Variants in NLRP14 observed in about 807,000 individuals in gnomAD.
NLRP14 encodes the protein NLR family pyrin domain containing 14.
In NLRP14, 105 loss-of-function variants were observed where a neutral mutation model predicts 94.7. The ratio of observed to expected loss-of-function variants is 1.11; its 90% CI spans 0.95 to 1.30. The LOEUF (loss-of-function observed/expected upper bound fraction) is 1.30. Among genes scored for constraint, NLRP14 ranks in the 50% most tolerant of loss-of-function variants. The pLI is 0.00. For synonymous variants in NLRP14, 508 were observed against 459.9 expected (o/e 1.10, Z -1.34); for missense variants, 1,362 against 1,254.1 (o/e 1.09, Z -1.30).
chr11:7,081,113 G>A, the NLRP14 span, among the ~76,000 whole-genome samples: 5 of 152,316 alleles, frequency 3.3e-5, no homozygotes, highest in East Asian at 1.9e-4. Context: ...AGTTTGAAAT[G>A]TTTCTGGTTG....
At chr11:7,055,407 A>C (rs1194863982) in intron 6 of NLRP14, among the ~76,000 whole-genome samples, 2 of 152,132 alleles carry the variant, frequency 1.3e-5, no homozygotes, top group African/African-American at 4.8e-5. Context: ...AAATAATCTC[A>C]TACTCAAAAA....
the NLRP14 span, among the ~76,000 whole-genome samples, chr11:7,081,260 A>G: frequency 1.3e-5 from 2 of 152,002 alleles, no homozygotes; most frequent in African/African-American, 4.8e-5. Context: ...CTGCTCTGTC[A>G]GATAGGAGAA....
chr11:7,030,957 A>G (rs1361067644), intron 1 of NLRP14, among the ~76,000 whole-genome samples: 1 of 152,178 alleles, frequency 6.6e-6, no homozygotes, highest in East Asian at 1.9e-4. Flanking sequence ...ATAGAGGCGG[A>G]GAGTGGGAGC....
rs373193191 is a variant in NLRP14, at chr11:7,070,271, C to A, written c.2976-15C>A. Reference sequence around the variant, plus strand: ...GAATAAATTCATTTTTATCTTTTGTCTCTCTTCTCTACAGGTTGGAATACT... The same window carrying A: ...GAATAAATTCATTTTTATCTTTTGTATCTCTTCTCTACAGGTTGGAATACT... On this transcript the variant is annotated splice_polypyrimidine_tract_variant and intron_variant, in intron 10 of 11. Coordinates refer to ENST00000299481, the MANE Select transcript of NLRP14 (RefSeq NM_176822.4). 6 of 1,592,482 alleles carry A rather than the reference C, an allele frequency of 3.8e-6. No homozygotes were observed. Among genetic ancestry groups the A allele is most frequent in the Non-Finnish European group, 5.2e-6 (6 of 1,161,626 alleles).
intron 1 of NLRP14, among the ~76,000 whole-genome samples, chr11:7,030,845 G>C (rs1254530412): frequency 6.6e-6 from 1 of 152,170 alleles, no homozygotes; most frequent in South Asian, 2.1e-4. Context: ...TTCCCACATC[G>C]GGAAAGCAAG....
chr11:7,032,362 A>G (rs1294314705), intron 1 of NLRP14, among the ~76,000 whole-genome samples: 1 of 152,188 alleles, frequency 6.6e-6, no homozygotes, highest in East Asian at 1.9e-4. Flanking sequence ...TACATTCATT[A>G]TAATTGAATC....
At chr11:7,037,306 T>A (rs535397090) in intron 1 of NLRP14, among the ~76,000 whole-genome samples, 5 of 152,332 alleles carry the variant, frequency 3.3e-5, no homozygotes, top group South Asian at 4.1e-4. Flanking sequence ...AGCTCACCAA[T>A]TACTGTAGGA....
intron 1 of NLRP14, among the ~76,000 whole-genome samples, chr11:7,028,792 T>G (rs1852050506): frequency 6.6e-6 from 1 of 152,136 alleles, no homozygotes; most frequent in Admixed American, 6.6e-5. Flanking sequence ...ATTAATGAGG[T>G]GCTGTTGATT....
chr11:7,044,130 T>G, intron 4 of NLRP14, 146 bp downstream of exon 4: 1 of 813,464 alleles, frequency 1.2e-6, no homozygotes, highest in Non-Finnish European at 2.0e-6. Flanking sequence ...GGCTAAGCAT[T>G]TAAACCCCTT....
At chr11:7,087,252 A>C in the NLRP14 span, among the ~76,000 whole-genome samples, 1 of 152,208 alleles carries the variant, frequency 6.6e-6, no homozygotes, top group Non-Finnish European at 1.5e-5. Context: ...CTTTGGGCCA[A>C]TACCAATGTG....
At chr11:7,050,168 G>T (rs1370506777) in intron 6 of NLRP14, among the ~76,000 whole-genome samples, 1 of 152,142 alleles carries the variant, frequency 6.6e-6, no homozygotes, top group Non-Finnish European at 1.5e-5. Flanking sequence ...TTGTATCTTT[G>T]AACTCTCGTA....
chr11:7,027,612 G>A (rs1852033698), intron 1 of NLRP14, among the ~76,000 whole-genome samples: 1 of 152,110 alleles, frequency 6.6e-6, no homozygotes, highest in African/African-American at 2.4e-5. Flanking sequence ...CTCAGCTACT[G>A]TATCGTTTCT....
At chr11:7,028,232 C>G (rs1376691907) in intron 1 of NLRP14, among the ~76,000 whole-genome samples, 1 of 152,190 alleles carries the variant, frequency 6.6e-6, no homozygotes, top group African/African-American at 2.4e-5. Flanking sequence ...GCCTCATAAA[C>G]TTGGTTTTTT....
chr11:7,070,551 T>A, intron 11 of NLRP14, 95 bp downstream of exon 11: 1 of 806,888 alleles, frequency 1.2e-6, no homozygotes, highest in East Asian at 2.4e-5. Context: ...CACCTAATTG[T>A]GTATCATTGG....
At chr11:7,089,081 C>G in the NLRP14 span, 1 of 1,595,956 alleles carries the variant, frequency 6.3e-7, no homozygotes, top group Non-Finnish European at 8.6e-7. Context: ...GCCGCCTCAC[C>G]GCCTCCCACC....
intron 6 of NLRP14, among the ~76,000 whole-genome samples, chr11:7,053,723 AG>A (rs2119662257): frequency 6.8e-6 from 1 of 146,842 alleles, no homozygotes; most frequent in African/African-American, 2.4e-5. Flanking sequence ...TTTTGATACA[AG>A]CATGCAATGC....
intron 3 of NLRP14, among the ~76,000 whole-genome samples, chr11:7,041,770 A>C (rs1328247650): frequency 3.4e-4 from 52 of 152,224 alleles, no homozygotes; most frequent in Admixed American, 3.4e-3. Context: ...GATGAGGTTC[A>C]GAGAGGTCTT....
chr11:7,027,170 A>G (rs1243951227), intron 1 of NLRP14, among the ~76,000 whole-genome samples: 1 of 150,858 alleles, frequency 6.6e-6, no homozygotes, highest in Non-Finnish European at 1.5e-5. Flanking sequence ...TTCCCTCTAT[A>G]CTATATCCTT....
chr11:7,027,946 T>A (rs942828877), intron 1 of NLRP14, among the ~76,000 whole-genome samples: 2 of 152,206 alleles, frequency 1.3e-5, no homozygotes, highest in Non-Finnish European at 2.9e-5. Context: ...TTCTTTTTCA[T>A]GCTTTTTTGA....
Sources: allele counts gnomAD v4.1 joint callset (sites outside exome capture counted in the v4.1 genomes callset), GRCh38; gene constraint gnomAD v4.1.1; transcripts MANE v1.5; gene names NCBI Gene and HGNC (gene_info 2026-07-23, HGNC 2026-07-21).